The following NCOR2 variants were observed in gnomAD, a reference collection of about 807,000 sequenced individuals.
NCOR2 encodes nuclear receptor corepressor 2.
Under a neutral mutation model 262.9 loss-of-function variants are expected in NCOR2, and 81 were observed. The observed-to-expected ratio is 0.31, with a 90% CI of 0.26 to 0.37. The LOEUF (loss-of-function observed/expected upper bound fraction) is 0.37, where lower values mean the gene tolerates loss of function less well. Ranked by LOEUF, NCOR2 falls within the 10% of genes least tolerant of loss-of-function variation. The pLI is 1.00. For synonymous variants in NCOR2, 1,659 were observed against 1,559.3 expected (o/e 1.06, Z -1.51); for missense variants, 3,385 against 3,621.4 (o/e 0.93, Z 1.68).
chr12:124,535,584 G>A (rs531274772), exon 1 of NCOR2: 1 of 152,398 alleles, frequency 6.6e-6, no homozygotes, highest in East Asian at 1.9e-4. Context: ...CCTCCAGCGA[G>A]GCTGTGTCCT....
intron 1 of NCOR2, among the ~76,000 whole-genome samples, chr12:124,519,406 C>T (rs1042120892): frequency 2.6e-4 from 40 of 152,284 alleles, no homozygotes; most frequent in African/African-American, 9.4e-4. Flanking sequence ...AGAATGTGTC[C>T]CTGGACAGCA....
In NCOR2 at chr12:124,526,390, G is replaced by A. The variant is rs148405545; in HGVS notation, c.-118+9175C>T. 1.6e-3 allele frequency among the ~76,000 whole-genome samples: 242 copies of A among 151,986 alleles called. 4 individuals are homozygous for A. The highest frequency in any genetic ancestry group is 5.7e-3 in the African/African-American group (235 of 41,538). On this transcript the variant is annotated intron_variant, in intron 1 of 46. Transcript: ENST00000404621. The stretch of plus-strand genomic sequence containing the variant: ...CACAAGTACACCCTGTAAAGTAAAG[G>A]GTGTTCCCTCCCTGGGCCCCCAGTA...
chr12:124,346,904 G>T, intron 30 of NCOR2, 54 bp from the exon 33 acceptor site: 1 of 1,443,766 alleles, frequency 6.9e-7, no homozygotes. Flanking sequence ...GACCCATCAA[G>T]AGCCTCCACA....
At chr12:124,372,129 G>T (rs751416723) in exon 20 of NCOR2, 2 of 1,601,650 alleles carry the variant, frequency 1.2e-6, no homozygotes, top group South Asian at 2.2e-5. Context: ...TGGCCCTGCC[G>T]CTCCCGCCCT....
chr12:124,546,622 C>A (rs1037625752), intron 1 of NCOR2, among the ~76,000 whole-genome samples: 1 of 152,188 alleles, frequency 6.6e-6, no homozygotes, highest in Non-Finnish European at 1.5e-5. Flanking sequence ...ACCATGTTGG[C>A]CAGGCTGGTC....
At chr12:124,345,585 T>C (rs577275913) in intron 31 of NCOR2, among the ~76,000 whole-genome samples, 1 of 152,352 alleles carries the variant, frequency 6.6e-6, no homozygotes, top group Admixed American at 6.5e-5. Flanking sequence ...AAAACTCTAT[T>C]TAGGGATGTC....
At chr12:124,551,333 C>G (rs2051707496) in intron 1 of NCOR2, among the ~76,000 whole-genome samples, 1 of 152,196 alleles carries the variant, frequency 6.6e-6, no homozygotes, top group Non-Finnish European at 1.5e-5. Context: ...TCATACGGCT[C>G]CCCCAGTAGC....
In NCOR2 at chr12:124,404,078, G is replaced by A. The variant is rs562532630; in HGVS notation, c.1483-1517C>T. Among the ~76,000 whole-genome samples, 8 of 152,350 alleles carry A rather than the reference G, an allele frequency of 5.3e-5. No individual in the cohort carries two copies. In the South Asian group the frequency reaches 1.0e-3, roughly 20 times the overall value. Reference sequence around the variant, plus strand: ...CTGACCTCGAACCCTCAAACGTAACGTTTAAACAGCCGGCAGGTGAAGCCT... The same window carrying A: ...CTGACCTCGAACCCTCAAACGTAACATTTAAACAGCCGGCAGGTGAAGCCT... On this transcript the variant is annotated intron_variant, in intron 13 of 46. Coordinates refer to ENST00000405201, the Ensembl canonical transcript of NCOR2.
chr12:124,532,574 GTGATGGATCGCCCCGGCAGAGGAAGC>G (rs1355285704), intron 1 of NCOR2, among the ~76,000 whole-genome samples: 5 of 152,232 alleles, frequency 3.3e-5, no homozygotes, highest in African/African-American at 9.6e-5. Flanking sequence ...TCCCTCAGAT[GTGATGGATCGCCCCGGCAGAGGAAGC>G]TAAGTGCTTG....
At position 124,409,839 on chromosome 12, in the gene NCOR2, G is replaced by A. The variant is rs144456313; in HGVS notation, c.1483-7278C>T. On this transcript the variant is annotated intron_variant, in intron 13 of 46. Transcript: ENST00000405201. Reference sequence around the variant, plus strand: ...ACCACAGCAGCAAGCCACCTCACCCGGCTAATTTTTTAATTTTTTTGTAGA... The same window carrying A: ...ACCACAGCAGCAAGCCACCTCACCCAGCTAATTTTTTAATTTTTTTGTAGA... 1.4e-3 allele frequency among the ~76,000 whole-genome samples: 217 copies of A among 152,076 alleles called. 3 individuals carry two copies. In the East Asian group the frequency reaches 0.037, roughly 26 times the overall value.
At chr12:124,385,334 A>G (rs1244052) in intron 17 of NCOR2, among the ~76,000 whole-genome samples, 152,251 of 152,262 alleles carry the variant, frequency 1, 76,120 homozygotes, top group Middle Eastern at 1. Context: ...CAAATGGGGC[A>G]GGGGAGCCAC....
chr12:124,350,773 C>T, intron 27 of NCOR2, 36 bp from the exon 30 acceptor site: 1 of 1,582,074 alleles, frequency 6.3e-7, no homozygotes, highest in South Asian at 1.1e-5. Flanking sequence ...CAGGAGGCTG[C>T]AGCCCAGGAC....
chr12:124,499,260 G>A (rs1403674822), upstream of NCOR2, among the ~76,000 whole-genome samples: 2 of 152,250 alleles, frequency 1.3e-5, no homozygotes, highest in Non-Finnish European at 2.9e-5. Context: ...GGCTGGAGGG[G>A]GAATTCAGAC....
intron 20 of NCOR2, among the ~76,000 whole-genome samples, chr12:124,368,866 C>T (rs940042828): frequency 6.6e-6 from 1 of 152,270 alleles, no homozygotes; most frequent in Non-Finnish European, 1.5e-5. Context: ...GTTTCCAGCG[C>T]CCCCGGCGCC....
chr12:124,385,135 C>T (rs987618199), intron 17 of NCOR2, among the ~76,000 whole-genome samples: 2 of 152,140 alleles, frequency 1.3e-5, no homozygotes, highest in Admixed American at 6.5e-5. Context: ...GTGGAAGAAG[C>T]GGCTGCTCCT....
At position 124,450,283 on chromosome 12, in the gene NCOR2, C is replaced by T. The variant is rs182586792; in HGVS notation, c.763-416G>A. On this transcript the variant is annotated intron_variant, in intron 6 of 46. Coordinates refer to ENST00000405201, the Ensembl canonical transcript of NCOR2. ...CCAACGCTGCAAGATACCACTCCAC[C>T]CCCACTGACCAGCAAAAGACAAAAA... is the stretch of plus-strand genomic sequence containing the variant. Among the ~76,000 whole-genome samples, 6 of 152,348 alleles carry T rather than the reference C, an allele frequency of 3.9e-5. No homozygotes were observed. In the East Asian group the frequency reaches 1.2e-3, roughly 29 times the overall value.
chr12:124,544,569 C>T (rs754277809), intron 1 of NCOR2, among the ~76,000 whole-genome samples: 3 of 152,188 alleles, frequency 2.0e-5, no homozygotes, highest in Non-Finnish European at 4.4e-5. Flanking sequence ...AGTTGCCCCA[C>T]CTTCCACCTC....
chr12:124,414,678 C>T (rs148160721), intron 13 of NCOR2, among the ~76,000 whole-genome samples: 4 of 152,356 alleles, frequency 2.6e-5, no homozygotes, highest in East Asian at 3.9e-4. Flanking sequence ...TCCCACTAGA[C>T]GACATCGGGG....
At chr12:124,345,133 C>T (rs2036804913) in intron 31 of NCOR2, among the ~76,000 whole-genome samples, 182 bp from the exon 34 acceptor site, 1 of 152,160 alleles carries the variant, frequency 6.6e-6, no homozygotes, top group Admixed American at 6.5e-5. Flanking sequence ...TACTTACTGC[C>T]CTGCGCACCC....
Sources: allele counts gnomAD v4.1 joint callset (sites outside exome capture counted in the v4.1 genomes callset), GRCh38; gene constraint gnomAD v4.1.1; transcripts MANE v1.5; gene names NCBI Gene and HGNC (gene_info 2026-07-23, HGNC 2026-07-21).